TAFA5: variants seen among roughly 807,000 people sequenced by gnomAD.
TAFA5 encodes the protein chemokine-like protein TAFA-5.
A neutral mutation model predicts 15.3 loss-of-function variants in TAFA5; 6 were observed. The observed-to-expected ratio is 0.39, with a 90% confidence interval of 0.21 to 0.77. The LOEUF (loss-of-function observed/expected upper bound fraction) is 0.77. Among genes scored for constraint, TAFA5 ranks in the 30% least tolerant of loss-of-function variants. The probability of loss-of-function intolerance (pLI) is 0.41; values close to 1 mark genes in which losing one functional copy is unlikely to be tolerated. For missense variants in TAFA5, 161 were observed against 193.1 expected, an observed-to-expected ratio of 0.83 and a Z score of 0.98; for synonymous variants, 103 against 80.7, an observed-to-expected ratio of 1.28 and a Z score of -1.48.
At chr22:48,711,047 G>C (rs538071684) in intron 3 of TAFA5, among the ~76,000 whole-genome samples, 16 of 152,288 alleles carry the variant, frequency 1.1e-4, no homozygotes, top group Non-Finnish European at 2.1e-4. Context: ...CCATCATTAG[G>C]ACACTGCAGG....
chr22:48,562,418 G>A lies in TAFA5; in HGVS notation c.112+72714G>A, dbSNP rs577313316. ...CTCCCAAAGTGCTGGGATTACAGGC[G>A]TGAGCCACCGCGCCCGGCCCCGCGG... On this transcript the variant is annotated intron_variant, in intron 1 of 3. Transcript: ENST00000402357. 7.9e-5 allele frequency among the ~76,000 whole-genome samples: 12 copies of A among 152,312 alleles called. No individual in the cohort carries two copies. The East Asian group carries it at 2.1e-3, about 27-fold the overall frequency.
At chr22:48,694,803 TCCGCCC>T (rs1928655082) in intron 2 of TAFA5, among the ~76,000 whole-genome samples, 4 of 26,938 alleles carry the variant, frequency 1.5e-4, no homozygotes, top group South Asian at 1.9e-3. Flanking sequence ...GCTCCAGACC[TCCGCCC>T]CCACCCGCCG....
intron 3 of TAFA5, among the ~76,000 whole-genome samples, chr22:48,739,340 A>G (rs1339822482): frequency 6.6e-6 from 1 of 152,232 alleles, no homozygotes; most frequent in South Asian, 2.1e-4. Flanking sequence ...AGCAACTTGC[A>G]GAAAATGTTG....
chr22:48,745,127 C>T (rs1285745116), intron 3 of TAFA5, among the ~76,000 whole-genome samples: 1 of 152,360 alleles, frequency 6.6e-6, no homozygotes, highest in South Asian at 2.1e-4. Flanking sequence ...GCCCTGAACC[C>T]GAGTCTGCTA....
intron 1 of TAFA5, among the ~76,000 whole-genome samples, chr22:48,637,605 G>A (rs536205709): frequency 1.3e-5 from 2 of 152,266 alleles, no homozygotes; most frequent in African/African-American, 2.4e-5. Context: ...GAGCTCTGCC[G>A]TTATCCCTGC....
At chr22:48,590,996 C>CT in intron 1 of TAFA5, among the ~76,000 whole-genome samples, 1 of 152,178 alleles carries the variant, frequency 6.6e-6, no homozygotes, top group African/African-American at 2.4e-5. Context: ...GGATTACAGG[C>CT]GCCCATCACC....
At chr22:48,636,294 G>A (rs1466198642) in intron 1 of TAFA5, among the ~76,000 whole-genome samples, 4 of 152,222 alleles carry the variant, frequency 2.6e-5, no homozygotes, top group Admixed American at 1.3e-4. Flanking sequence ...TGGGGGAACC[G>A]GGCTTCCATG....
In TAFA5 at chr22:48,646,565, G is replaced by C. The variant is rs758425060; in HGVS notation, c.113-32G>C. On this transcript the variant is annotated intron_variant, in intron 1 of 3. Transcript: ENST00000402357. ...TGGCTGTGGGGTGTCTGTAACGTGT[G>C]GCCGCTCAGTCGCTTCTGCTCCTCT... is the stretch of plus-strand genomic sequence containing the variant. The C allele has an allele frequency of 3.7e-6, 6 of 1,608,096 alleles. No homozygotes were observed. The Admixed American group carries it at 1.0e-4, about 27-fold the overall frequency.
intron 2 of TAFA5, among the ~76,000 whole-genome samples, chr22:48,667,247 C>A (rs1044709389): frequency 3.3e-5 from 5 of 151,916 alleles, no homozygotes; most frequent in Non-Finnish European, 5.9e-5. Context: ...CAGCCCCGCA[C>A]TGCATCTAAG....
At chr22:48,523,882 G>T (rs920383574) in intron 1 of TAFA5, among the ~76,000 whole-genome samples, 1 of 152,192 alleles carries the variant, frequency 6.6e-6, no homozygotes, top group Non-Finnish European at 1.5e-5. Context: ...GGCTCAGGCG[G>T]CTGGCGCTGG....
intron 1 of TAFA5, among the ~76,000 whole-genome samples, chr22:48,603,898 G>T (rs1925063963): frequency 6.6e-6 from 1 of 152,160 alleles, no homozygotes; most frequent in Non-Finnish European, 1.5e-5. Context: ...GCACAGAGGG[G>T]AAAGTGAATG....
chr22:48,714,320 C>T (rs1173347481), intron 3 of TAFA5, among the ~76,000 whole-genome samples: 1 of 152,204 alleles, frequency 6.6e-6, no homozygotes, highest in South Asian at 2.1e-4. Context: ...AGGATGGGAG[C>T]GGGTGGACGG....
At chr22:48,734,823 G>T (rs942327805) in intron 3 of TAFA5, among the ~76,000 whole-genome samples, 2 of 152,222 alleles carry the variant, frequency 1.3e-5, no homozygotes, top group Non-Finnish European at 2.9e-5. Flanking sequence ...AGCAGCAGGT[G>T]CTGGGAAAAT....
At chr22:48,706,770 G>A (rs1263626473) in intron 2 of TAFA5, among the ~76,000 whole-genome samples, 1 of 152,188 alleles carries the variant, frequency 6.6e-6, no homozygotes, top group Non-Finnish European at 1.5e-5. Flanking sequence ...CATTAGGAAG[G>A]ACATATTTTT....
intron 1 of TAFA5, among the ~76,000 whole-genome samples, chr22:48,556,461 C>G (rs1394708112): frequency 6.6e-6 from 1 of 152,228 alleles, no homozygotes; most frequent in Non-Finnish European, 1.5e-5. Context: ...CTAAGCTGCA[C>G]ATAATTAATA....
At chr22:48,746,299 C>A (rs1332248858) in intron 3 of TAFA5, among the ~76,000 whole-genome samples, 1 of 152,082 alleles carries the variant, frequency 6.6e-6, no homozygotes, top group Admixed American at 6.5e-5. Context: ...CAGGCAGACA[C>A]CCCAGTCACC....
chr22:48,516,038 C>T (rs1290341572), intron 1 of TAFA5, among the ~76,000 whole-genome samples: 3 of 152,088 alleles, frequency 2.0e-5, no homozygotes, highest in Admixed American at 6.5e-5. Flanking sequence ...GCTCAGCACC[C>T]GCCGGCCTTG....
chr22:48,517,665 A>C (rs1244439224), intron 1 of TAFA5, among the ~76,000 whole-genome samples: 1 of 151,944 alleles, frequency 6.6e-6, no homozygotes, highest in Non-Finnish European at 1.5e-5. Context: ...CGTCCTGGTG[A>C]CAGTCAGCCC....
At chr22:48,746,409 G>A (rs1162969380) in intron 3 of TAFA5, among the ~76,000 whole-genome samples, 1 of 152,100 alleles carries the variant, frequency 6.6e-6, no homozygotes, top group Admixed American at 6.5e-5. Context: ...TGGGAGGATG[G>A]CTTGAGCCCA....
Sources: gnomAD v4.1 joint callset for allele counts (sites outside exome capture counted in the v4.1 genomes callset) on GRCh38, gnomAD v4.1.1 for gene constraint, MANE v1.5 for transcripts, NCBI Gene and HGNC (gene_info 2026-07-23, HGNC 2026-07-21) for gene names.